Variants in RAB5A observed in about 807,000 individuals in gnomAD.
RAB5A encodes the protein ras-related protein Rab-5A.
In RAB5A, 8 loss-of-function variants were observed where a neutral mutation model predicts 25.7. The ratio of observed to expected loss-of-function variants is 0.31; its 90% CI spans 0.18 to 0.56. The LOEUF (loss-of-function observed/expected upper bound fraction) is 0.56. Ranked by LOEUF, RAB5A falls within the 20% of genes least tolerant of loss-of-function variation. The probability of loss-of-function intolerance (pLI) is 0.91; values close to 1 mark genes in which losing one functional copy is unlikely to be tolerated. For synonymous variants in RAB5A, 98 were observed against 89.8 expected (o/e 1.09, Z -0.52); for missense variants, 192 against 259.7 (o/e 0.74, Z 1.79).
chr3:19,975,434 T>C lies in RAB5A; in HGVS notation c.164-167T>C, dbSNP rs1696809046. 19 of 580,462 alleles carry C rather than the reference T, an allele frequency of 3.3e-5. No individual in the cohort carries two copies. In the East Asian group the frequency reaches 5.7e-4, roughly 17 times the overall value. The allele number at this position is 580,462 out of a possible 1,614,324, so 36.0% of individuals were successfully genotyped here. A position where few individuals can be genotyped will look rare whatever the true frequency, so the allele number is the denominator to read the frequency against. On this transcript the variant is annotated intron_variant, in intron 2 of 5. Transcript: ENST00000273047. ...CAATCTGTCAAGTTTCTAGGTGTTT[T>C]CTTTTTTTTTCCCCCCTCATTTATT...
intron 5 of RAB5A, among the ~76,000 whole-genome samples, chr3:19,981,335 G>C (rs985973986): frequency 6.6e-6 from 1 of 152,084 alleles, no homozygotes; most frequent in East Asian, 1.9e-4. Flanking sequence ...CAGGCTGGGC[G>C]CAGTGGCTCA....
chr3:19,964,661 T>A (rs1696635637), intron 2 of RAB5A, among the ~76,000 whole-genome samples: 1 of 152,170 alleles, frequency 6.6e-6, no homozygotes, highest in Non-Finnish European at 1.5e-5. Context: ...TCACCCAGGG[T>A]GGAGTGCAGT....
At chr3:19,959,667 G>T (rs1373019087) in intron 2 of RAB5A, among the ~76,000 whole-genome samples, 1 of 130,546 alleles carries the variant, frequency 7.7e-6, no homozygotes, top group Non-Finnish European at 1.6e-5. Flanking sequence ...TTGCTCTGTT[G>T]CCCAGGGTGA....
intron 1 of RAB5A, among the ~76,000 whole-genome samples, chr3:19,949,319 A>G (rs1696387092): frequency 6.6e-6 from 1 of 152,228 alleles, no homozygotes; most frequent in South Asian, 2.1e-4. Flanking sequence ...GATCTCGTGG[A>G]CATGTTAGGG....
In RAB5A at chr3:19,985,128, G is replaced by A; in HGVS notation, c.*1305G>A. 1 of 377,006 alleles carries A rather than the reference G, an allele frequency of 2.7e-6. No individual in the cohort carries two copies. The highest frequency in any genetic ancestry group is 4.7e-6 in the Non-Finnish European group (1 of 212,464). 23.4% of individuals were successfully genotyped at this position (377,006 alleles called of 1,614,324 possible). On this transcript the variant is annotated 3_prime_UTR_variant, in exon 6 of 6. Coordinates refer to ENST00000273047, the MANE Select transcript of RAB5A (RefSeq NM_004162.5). The stretch of plus-strand genomic sequence containing the variant: ...TAGGAAAACGGTTCACCAGTGTTTA[G>A]TTTTATATTGAGGTGCTCAGGTTGG...
chr3:19,969,045 G>GTTTTTTTTTTTT lies in RAB5A; in HGVS notation c.164-6551_164-6540dup, dbSNP rs386396075. ...TTTTGGTTTTGGTTTTTTTTTTTTG[G>GTTTTTTTTTTTT]TTTTTTTTTTTTTTTTGAGATGGAG... is the stretch of plus-strand genomic sequence containing the variant. On this transcript the variant is annotated intron_variant, in intron 2 of 5. Coordinates refer to ENST00000273047, the MANE Select transcript of RAB5A (RefSeq NM_004162.5). Among the ~76,000 whole-genome samples the GTTTTTTTTTTTT allele has an allele frequency of 1.8e-4, 19 of 103,426 alleles. 1 individual carries two copies. The highest frequency in any genetic ancestry group is 2.6e-4 in the South Asian group (1 of 3,856). The allele number at this position is 103,426 out of a possible 152,430, so 67.9% of individuals were successfully genotyped here.
chr3:19,981,838 G>A lies in RAB5A; in HGVS notation c.533-1870G>A, dbSNP rs570266786. Among the ~76,000 whole-genome samples, 67 of 152,124 alleles carry A rather than the reference G, an allele frequency of 4.4e-4. 1 individual carries two copies. The highest frequency in any genetic ancestry group is 1.5e-3 in the African/African-American group (64 of 41,496). Reference sequence around the variant, plus strand: ...CTGAATTTGACAAGCCACACTCATCGGACTCAAATAAAATTAAGAAATAGT... The same window carrying A: ...CTGAATTTGACAAGCCACACTCATCAGACTCAAATAAAATTAAGAAATAGT... On this transcript the variant is annotated intron_variant, in intron 5 of 5. Coordinates refer to ENST00000273047, the MANE Select transcript of RAB5A (RefSeq NM_004162.5).
At position 19,975,716 on chromosome 3, in the gene RAB5A, A is replaced by G. The variant is rs146345144; in HGVS notation, c.279A>G (p.Ala93=). ...HSLAPMYYRG[A]QAAIVVYDIT... ...TAGCACCAATGTACTACAGAGGAGC[A>G]CAAGCAGCCATAGTTGTATATGATA... Residue 93 remains alanine, a synonymous_variant, in exon 3 of 6, where the codon GCA becomes GCG. Coordinates refer to ENST00000273047, the MANE Select transcript of RAB5A (RefSeq NM_004162.5). 2.7e-4 allele frequency: 430 copies of G among 1,613,632 alleles called. No individual in the cohort carries two copies. The highest frequency in any genetic ancestry group is 3.4e-4 in the Non-Finnish European group (400 of 1,179,832).
chr3:19,947,279 CGGCGGCGGAGGA>C lies in RAB5A; in HGVS notation c.-333_-322del. ...GGAACTCCAGCGCCGGCGGCGGCGGCGGCGGCGGAGGAGGAGAAAGGAAAGAGGAAGGGGGAG... is the reference window on the plus strand; with the variant it reads ...GGAACTCCAGCGCCGGCGGCGGCGGCGGAGAAAGGAAAGAGGAAGGGGGAG... On this transcript the variant is annotated 5_prime_UTR_variant, in exon 1 of 6. Transcript: ENST00000273047. The C allele has an allele frequency of 5.0e-6, 1 of 200,960 alleles. No homozygotes were observed. Among genetic ancestry groups the C allele is most frequent in the African/African-American group, 2.4e-5 (1 of 41,212 alleles). 12.4% of individuals were successfully genotyped at this position (200,960 alleles called of 1,614,324 possible).
At chr3:19,949,219 T>C (rs912572494) in intron 1 of RAB5A, among the ~76,000 whole-genome samples, 15 of 152,208 alleles carry the variant, frequency 9.9e-5, no homozygotes, top group Admixed American at 8.5e-4. Context: ...AATCTGTAAA[T>C]ATTTCAGTAT....
At chr3:19,969,255 G>A (rs1476865062) in intron 2 of RAB5A, among the ~76,000 whole-genome samples, 2 of 151,828 alleles carry the variant, frequency 1.3e-5, no homozygotes, top group Non-Finnish European at 2.9e-5. Context: ...CATGTTCCTG[G>A]CTGGTCTTGA....
chr3:19,953,531 C>G (rs569996963), intron 2 of RAB5A, among the ~76,000 whole-genome samples: 2 of 152,108 alleles, frequency 1.3e-5, no homozygotes, highest in South Asian at 4.2e-4. Context: ...CCTCAGCCCC[C>G]CAAGTAGCTG....
At chr3:19,979,718 C>G (rs1309525541) in intron 5 of RAB5A, among the ~76,000 whole-genome samples, 1 of 151,380 alleles carries the variant, frequency 6.6e-6, no homozygotes, top group Admixed American at 6.6e-5. Flanking sequence ...TTTTTTTTAA[C>G]CCTTTCCTCT....
chr3:19,949,937 T>C (rs1357272476), intron 1 of RAB5A, among the ~76,000 whole-genome samples: 2 of 151,668 alleles, frequency 1.3e-5, no homozygotes, highest in Non-Finnish European at 2.9e-5. Flanking sequence ...ACTCAGGAGG[T>C]TGAGGCAGGA....
intron 2 of RAB5A, among the ~76,000 whole-genome samples, chr3:19,960,393 G>C (rs1696567986): frequency 6.6e-6 from 1 of 152,050 alleles, no homozygotes; most frequent in African/African-American, 2.4e-5. Flanking sequence ...CTCAACTTCT[G>C]GGCTCCAGCC....
intron 4 of RAB5A, among the ~76,000 whole-genome samples, chr3:19,977,999 A>G (rs138327341): frequency 4.6e-5 from 7 of 152,346 alleles, no homozygotes; most frequent in Non-Finnish European, 1.0e-4. Context: ...AGAGAGTTTT[A>G]TTTAGAATAA....
At chr3:19,975,191 A>G (rs1696805655) in intron 2 of RAB5A, among the ~76,000 whole-genome samples, 1 of 149,394 alleles carries the variant, frequency 6.7e-6, no homozygotes, top group Admixed American at 6.8e-5. Flanking sequence ...ACGCCCCTGC[A>G]CTCTAGTCTG....
intron 2 of RAB5A, among the ~76,000 whole-genome samples, chr3:19,973,665 A>G (rs182701295): frequency 6.6e-6 from 1 of 152,344 alleles, no homozygotes; most frequent in East Asian, 1.9e-4. Flanking sequence ...CTGGATTAGA[A>G]TATATTTACA....
chr3:19,961,504 AAAT>A (rs1458259716), intron 2 of RAB5A, among the ~76,000 whole-genome samples: 16 of 152,198 alleles, frequency 1.1e-4, no homozygotes, highest in African/African-American at 3.4e-4. Flanking sequence ...CACTTAAGGA[AAAT>A]AATGTGAAAG....
Sources: gnomAD v4.1 joint callset for allele counts (sites outside exome capture counted in the v4.1 genomes callset) on GRCh38, gnomAD v4.1.1 for gene constraint, MANE v1.5 for transcripts, NCBI Gene and HGNC (gene_info 2026-07-23, HGNC 2026-07-21) for gene names.